The following GRID2 variants were observed in gnomAD, a reference collection of about 807,000 sequenced individuals.
GRID2 encodes glutamate receptor ionotropic, delta-2.
GRID2 carries 33 observed loss-of-function variants against 114.8 expected under a neutral mutation model. The ratio of observed to expected loss-of-function variants is 0.29; its 90% CI spans 0.22 to 0.38. The LOEUF is 0.38. GRID2 is among the 10% of genes least tolerant of loss of function. GRID2 has a pLI of 1.00. For synonymous variants in GRID2, 505 were observed against 449.9 expected (o/e 1.12, Z -1.55); for missense variants, 1,184 against 1,257.7 (o/e 0.94, Z 0.89).
chr4:93,745,664 G>A (rs1450011579), intron 14 of GRID2, among the ~76,000 whole-genome samples: 2 of 152,120 alleles, frequency 1.3e-5, no homozygotes, highest in East Asian at 1.9e-4. Flanking sequence ...TGAAGCCAGT[G>A]TGAGCTTCTC....
chr4:92,510,509 C>T (rs1293603542), intron 1 of GRID2, among the ~76,000 whole-genome samples: 1 of 151,694 alleles, frequency 6.6e-6, no homozygotes, highest in African/African-American at 2.4e-5. Flanking sequence ...TGGGTATAGT[C>T]ATCAAGGGTT....
rs183243619 is a variant in GRID2 at position 93,367,119 on chromosome 4, G to A, written c.1246-28488G>A. Among the ~76,000 whole-genome samples, 328 of 150,288 alleles carry A rather than the reference G, an allele frequency of 2.2e-3. 1 individual carries two copies. The highest frequency in any genetic ancestry group is 0.011 in the Middle Eastern group (3 of 278). ...TGAATCTATCCCCAATCTCAATTTA[G>A]TTGTTTCAAATTATTTGAGAATTTC... On this transcript the variant is annotated intron_variant, in intron 8 of 15. Transcript: ENST00000282020.
At chr4:93,022,732 T>G (rs982396232) in intron 2 of GRID2, among the ~76,000 whole-genome samples, 2 of 151,954 alleles carry the variant, frequency 1.3e-5, no homozygotes, top group African/African-American at 4.8e-5. Flanking sequence ...ATTTAGTCAT[T>G]TATTTCCTGT....
chr4:92,923,005 C>G (rs1351138071), intron 2 of GRID2, among the ~76,000 whole-genome samples: 1 of 152,180 alleles, frequency 6.6e-6, no homozygotes, highest in African/African-American at 2.4e-5. Flanking sequence ...TACCATTAAA[C>G]TTTACATATG....
chr4:93,592,411 G>A (rs1415971246), intron 13 of GRID2, among the ~76,000 whole-genome samples: 1 of 152,106 alleles, frequency 6.6e-6, no homozygotes, highest in African/African-American at 2.4e-5. Context: ...ATTGCACTGT[G>A]GTCTGAGAGG....
chr4:92,889,377 G>A (rs1255594467), intron 2 of GRID2, among the ~76,000 whole-genome samples: 4 of 151,992 alleles, frequency 2.6e-5, no homozygotes, highest in African/African-American at 7.3e-5. Flanking sequence ...CCCATCCATC[G>A]TCTCAGCCCA....
At chr4:93,500,301 G>C (rs1164608893) in intron 12 of GRID2, among the ~76,000 whole-genome samples, 1 of 151,940 alleles carries the variant, frequency 6.6e-6, no homozygotes, top group Non-Finnish European at 1.5e-5. Flanking sequence ...TAAAGATTAA[G>C]TGAAAAAGAG....
chr4:93,183,039 G>A lies in GRID2; in HGVS notation c.736-24365G>A, dbSNP rs530977359. On this transcript the variant is annotated intron_variant, in intron 4 of 15. Transcript: ENST00000282020. The stretch of plus-strand genomic sequence containing the variant: ...TTAGGATAATATCTGGCATTCACAG[G>A]TTCTTTTATTCATCAACTGAGCAGA... Among the ~76,000 whole-genome samples, 4 of 152,260 alleles carry A rather than the reference G, an allele frequency of 2.6e-5. No individual in the cohort carries two copies. The East Asian group carries it at 7.7e-4, about 29-fold the overall frequency.
At chr4:92,545,967 G>A (rs897682254) in intron 1 of GRID2, among the ~76,000 whole-genome samples, 9 of 152,044 alleles carry the variant, frequency 5.9e-5, no homozygotes, top group African/African-American at 2.2e-4. Flanking sequence ...AGGAGCATCT[G>A]AAAAAATGTA....
intron 14 of GRID2, among the ~76,000 whole-genome samples, chr4:93,744,469 T>C (rs923964651): frequency 1.4e-4 from 22 of 152,258 alleles, no homozygotes; most frequent in Admixed American, 3.9e-4. Context: ...TTGAGGGAGT[T>C]TAAGACTTTA....
chr4:92,751,876 C>A (rs1336251207), intron 2 of GRID2, among the ~76,000 whole-genome samples: 1 of 152,152 alleles, frequency 6.6e-6, no homozygotes, highest in Non-Finnish European at 1.5e-5. Flanking sequence ...AAATATCCTT[C>A]ATAATAACCT....
chr4:93,423,110 G>A, intron 10 of GRID2, 142 bp downstream of exon 10: 1 of 613,134 alleles, frequency 1.6e-6, no homozygotes, highest in South Asian at 2.1e-5. Context: ...ATTAGGTGGT[G>A]GAATTGAGTA....
intron 2 of GRID2, among the ~76,000 whole-genome samples, chr4:92,888,841 A>C (rs2149466637): frequency 6.6e-6 from 1 of 151,708 alleles, no homozygotes; most frequent in East Asian, 1.9e-4. Flanking sequence ...AATAAAGCGG[A>C]CATTTTTTAC....
intron 4 of GRID2, among the ~76,000 whole-genome samples, chr4:93,200,786 AT>A (rs1462208628): frequency 6.6e-6 from 1 of 152,202 alleles, no homozygotes; most frequent in Non-Finnish European, 1.5e-5. Flanking sequence ...ATTAACATTG[AT>A]TATAGTCTAC....
intron 1 of GRID2, among the ~76,000 whole-genome samples, chr4:92,397,323 T>G (rs1405865032): frequency 6.6e-6 from 1 of 150,436 alleles, no homozygotes; most frequent in Non-Finnish European, 1.5e-5. Context: ...AAAATTATAA[T>G]AAAACTCTGT....
chr4:93,668,766 G>A (rs79860677), intron 14 of GRID2, among the ~76,000 whole-genome samples: 2,560 of 152,136 alleles, frequency 0.017, 78 homozygotes, highest in African/African-American at 0.059. Context: ...AGAATTTAAA[G>A]CAGAGAGTTT....
At chr4:92,454,169 A>T (rs549668414) in intron 1 of GRID2, among the ~76,000 whole-genome samples, 1 of 152,332 alleles carries the variant, frequency 6.6e-6, no homozygotes, top group Admixed American at 6.5e-5. Flanking sequence ...TGTCTAAGTC[A>T]TAAATGTGTT....
chr4:93,707,508 C>G, intron 14 of GRID2, among the ~76,000 whole-genome samples: 1 of 151,968 alleles, frequency 6.6e-6, no homozygotes, highest in East Asian at 1.9e-4. Context: ...ATAGTAGTCT[C>G]TAATAATCTT....
chr4:92,663,558 G>A (rs994195208), intron 2 of GRID2, among the ~76,000 whole-genome samples: 4 of 150,946 alleles, frequency 2.6e-5, no homozygotes, highest in Admixed American at 6.6e-5. Flanking sequence ...GTCATTTTTT[G>A]GAAGCATCAA....
Sources: gnomAD v4.1 joint callset for allele counts (sites outside exome capture counted in the v4.1 genomes callset) on GRCh38, gnomAD v4.1.1 for gene constraint, MANE v1.5 for transcripts, NCBI Gene and HGNC (gene_info 2026-07-23, HGNC 2026-07-21) for gene names.